Variants in EHD3 observed in about 807,000 individuals in gnomAD.
EHD3 encodes EH domain-containing protein 3.
EHD3 carries 17 observed loss-of-function variants against 43.0 expected under a neutral mutation model. That is an observed-to-expected ratio of 0.40 (90% CI 0.27 to 0.59). The LOEUF is 0.59. EHD3 is among the 20% of genes least tolerant of loss of function. The pLI, the probability that EHD3 is intolerant of heterozygous loss-of-function variation, is 0.49. For missense variants in EHD3, 594 were observed against 705.6 expected, an observed-to-expected ratio of 0.84 and a Z score of 1.79; for synonymous variants, 313 against 289.5, an observed-to-expected ratio of 1.08 and a Z score of -0.82.
Position 31,261,596 on chromosome 2 carries a change from G to A in EHD3, c.963G>A (p.Val321=). The A allele has an allele frequency of 1.9e-6, 3 of 1,614,230 alleles. No individual in the cohort carries two copies. The highest frequency in any genetic ancestry group is 2.5e-6 in the Non-Finnish European group (3 of 1,180,044). Residue 321 remains valine, a synonymous_variant, in exon 5 of 6, where the codon GTG becomes GTA. Coordinates refer to ENST00000322054, the MANE Select transcript of EHD3 (RefSeq NM_014600.3). ...ISSLKKEMPS[V]FGKDNKKKEL... is the part of the protein sequence containing the mutation. ...CTCTGAAGAAGGAGATGCCCTCGGTGTTCGGGAAGGACAACAAGAAGAAGG... is the reference window on the plus strand; with the variant it reads ...CTCTGAAGAAGGAGATGCCCTCGGTATTCGGGAAGGACAACAAGAAGAAGG...
At position 31,260,557 on chromosome 2, in the gene EHD3, C is replaced by G. The variant is rs778088572; in HGVS notation, c.550C>G (p.Arg184Gly). The G allele has an allele frequency of 1.2e-6, 2 of 1,613,238 alleles. No individual in the cohort carries two copies. The highest frequency in any genetic ancestry group is 1.7e-6 in the Non-Finnish European group (2 of 1,179,392). The change falls in exon 4 of 6, where the codon CGC becomes GGC. Residue 184 changes from arginine (R) to glycine (G), a missense_variant. By Grantham distance (125) the Arg-to-Gly change is moderately radical. Coordinates refer to ENST00000322054, the MANE Select transcript of EHD3 (RefSeq NM_014600.3). This position sits in a 1 kb window ranked among gnomAD's most constrained non-coding sequence, Gnocchi z 4.6. ...TGAGTGGTTTGCCGAGCGGGTTGAC[C>G]GCATCATTCTGCTCTTCGATGCCCA... The part of the protein sequence containing the change: ...VLEWFAERVD[R>G]IILLFDAHKL...
chr2:31,261,147 T>A (rs921891663), intron 4 of EHD3, among the ~76,000 whole-genome samples: 7 of 152,224 alleles, frequency 4.6e-5, no homozygotes, highest in Admixed American at 4.6e-4. Context: ...TGGCAAGGCC[T>A]TTAGTCTCTC....
At chr2:31,241,843 G>A (rs144580370) in intron 1 of EHD3, among the ~76,000 whole-genome samples, 1 of 152,326 alleles carries the variant, frequency 6.6e-6, no homozygotes, top group Non-Finnish European at 1.5e-5. Context: ...GGAAGTGCTA[G>A]CCAAGGGTGC....
At chr2:31,263,207 C>T (rs1683886734) in intron 5 of EHD3, among the ~76,000 whole-genome samples, 1 of 152,316 alleles carries the variant, frequency 6.6e-6, no homozygotes, top group Admixed American at 6.5e-5. Context: ...TTTTGTTTTG[C>T]GGGTTTCCCG....
intron 3 of EHD3, among the ~76,000 whole-genome samples, chr2:31,251,025 C>A (rs1178864072): frequency 3.9e-5 from 6 of 152,224 alleles, no homozygotes; most frequent in Non-Finnish European, 8.8e-5. Flanking sequence ...CCCAGGCCAG[C>A]ACTGCTCACC....
chr2:31,248,037 A>C (rs1683559534), intron 2 of EHD3, among the ~76,000 whole-genome samples: 1 of 152,182 alleles, frequency 6.6e-6, no homozygotes, highest in African/African-American at 2.4e-5. Context: ...ATGTCCATTG[A>C]AACGACAACA....
At chr2:31,248,098 C>T (rs1683560692) in intron 2 of EHD3, among the ~76,000 whole-genome samples, 2 of 152,170 alleles carry the variant, frequency 1.3e-5, no homozygotes, top group South Asian at 4.1e-4. Flanking sequence ...CACTGCAGTC[C>T]ACACAAGGTG....
rs138539135 is a variant in EHD3, at chr2:31,238,549, G to A, written c.227+3701G>A. Among the ~76,000 whole-genome samples, 148 of 152,308 alleles carry A rather than the reference G, an allele frequency of 9.7e-4. 1 individual carries two copies. The highest frequency in any genetic ancestry group is 8.7e-3 in the South Asian group (42 of 4,828). The stretch of plus-strand genomic sequence containing the variant: ...AAAATGAACAGTAAATTGGCTTGGC[G>A]GCTGCCCTCTCCAACACAGGCTGCC... On this transcript the variant is annotated intron_variant, in intron 1 of 5. Coordinates refer to ENST00000322054, the MANE Select transcript of EHD3 (RefSeq NM_014600.3).
In EHD3 at chr2:31,243,420, TTTTCTTTC is replaced by T. The variant is rs751332290; in HGVS notation, c.228-818_228-811del. ...AGGGTAGGATAGGATGGAGATTCAT[TTTTCTTTC>T]TTTCTTTCTTTCTTTCTTTCTTTCT... On this transcript the variant is annotated intron_variant, in intron 1 of 5. Coordinates refer to ENST00000322054, the MANE Select transcript of EHD3 (RefSeq NM_014600.3). Among the ~76,000 whole-genome samples the T allele has an allele frequency of 6.5e-3, 877 of 135,460 alleles. 36 individuals are homozygous for T. The highest frequency in any genetic ancestry group is 7.6e-3 in the Admixed American group (103 of 13,478). The allele number at this position is 135,460 out of a possible 152,430, so 88.9% of individuals were successfully genotyped here.
intron 3 of EHD3, among the ~76,000 whole-genome samples, chr2:31,254,937 T>A (rs1683721843): frequency 6.6e-6 from 1 of 152,220 alleles, no homozygotes; most frequent in Non-Finnish European, 1.5e-5. Context: ...CGAAGAAGTA[T>A]GCTGCCCTGT....
intron 2 of EHD3, among the ~76,000 whole-genome samples, chr2:31,245,841 A>G (rs1683513283): frequency 6.7e-6 from 1 of 148,190 alleles, no homozygotes; most frequent in African/African-American, 2.5e-5. Context: ...TCAGCCTCCC[A>G]AAGTGCTGGG....
intron 3 of EHD3, among the ~76,000 whole-genome samples, chr2:31,255,555 T>A (rs557828245): frequency 6.6e-6 from 1 of 152,346 alleles, no homozygotes; most frequent in African/African-American, 2.4e-5. Flanking sequence ...TTTTTCTTAC[T>A]GGGTCCAGTC....
At chr2:31,254,086 G>A (rs928877304) in intron 3 of EHD3, among the ~76,000 whole-genome samples, 1 of 152,164 alleles carries the variant, frequency 6.6e-6, no homozygotes, top group African/African-American at 2.4e-5. Flanking sequence ...GCCCCTTTCT[G>A]CACAGGTGAG....
chr2:31,246,913 T>G (rs1467847384), intron 2 of EHD3, among the ~76,000 whole-genome samples: 1 of 152,098 alleles, frequency 6.6e-6, no homozygotes, highest in African/African-American at 2.4e-5. Flanking sequence ...TTTTTTTTTT[T>G]TGAGACGAGG....
At chr2:31,239,636 G>T (rs1683380638) in intron 1 of EHD3, among the ~76,000 whole-genome samples, 2 of 152,120 alleles carry the variant, frequency 1.3e-5, no homozygotes, top group Admixed American at 1.3e-4. Flanking sequence ...CCTGCCCAGG[G>T]ACCTGGTTAG....
At chr2:31,243,477 A>C (rs1683462218) in intron 1 of EHD3, among the ~76,000 whole-genome samples, 1 of 57,830 alleles carries the variant, frequency 1.7e-5, no homozygotes, top group Non-Finnish European at 2.9e-5. Context: ...TTTTTTTGAG[A>C]CAGAGTTTCG....
chr2:31,249,741 C>T (rs1041366790), intron 3 of EHD3, among the ~76,000 whole-genome samples: 25 of 152,128 alleles, frequency 1.6e-4, no homozygotes, highest in Non-Finnish European at 3.2e-4. Flanking sequence ...AGTCTTACCT[C>T]GTTGGGTTTA....
At chr2:31,245,846 G>T (rs1329715892) in intron 2 of EHD3, among the ~76,000 whole-genome samples, 1 of 149,412 alleles carries the variant, frequency 6.7e-6, no homozygotes, top group Non-Finnish European at 1.5e-5. Flanking sequence ...CTCCCAAAGT[G>T]CTGGGATTAC....
chr2:31,266,570 A>C lies in EHD3; in HGVS notation c.1474A>C (p.Lys492Gln). 1 of 1,614,130 alleles carries C rather than the reference A, an allele frequency of 6.2e-7. No individual in the cohort carries two copies. Among genetic ancestry groups the C allele is most frequent in the Non-Finnish European group, 8.5e-7 (1 of 1,180,026 alleles). Residue 492 changes from lysine (K) to glutamine (Q), a missense_variant, in exon 6 of 6, where the codon AAG becomes CAG. Physicochemically the swap from Lys to Gln is moderately conservative, Grantham distance 53. Coordinates refer to ENST00000322054, the MANE Select transcript of EHD3 (RefSeq NM_014600.3). This position sits in a 1 kb window ranked among gnomAD's most constrained non-coding sequence, Gnocchi z 5.1. ...GKIWKLADIDKDGMLDDDEFA... is the reference protein window; with the variant it reads ...GKIWKLADIDQDGMLDDDEFA... ...GATCTGGAAGCTGGCCGACATTGAC[A>C]AGGATGGCATGCTGGACGACGACGA...
Sources: gnomAD v4.1 joint callset for allele counts (sites outside exome capture counted in the v4.1 genomes callset) on GRCh38, gnomAD v4.1.1 for gene constraint, Gnocchi (gnomAD v3.1) non-coding constraint, MANE v1.5 for transcripts, NCBI Gene and HGNC (gene_info 2026-07-23, HGNC 2026-07-21) for gene names.